FGF14: variants seen among roughly 807,000 people sequenced by gnomAD.
FGF14 encodes the protein fibroblast growth factor 14, also known as fibroblast growth factor homologous factor 4.
A neutral mutation model predicts 25.5 loss-of-function variants in FGF14; 5 were observed. That is an observed-to-expected ratio of 0.20 (90% CI 0.10 to 0.41). The LOEUF is 0.41. FGF14 is among the 10% of genes least tolerant of loss of function. The pLI is 1.00. For missense variants in FGF14, 222 were observed against 320.1 expected, an observed-to-expected ratio of 0.69 and a Z score of 2.34; for synonymous variants, 138 against 118.3, an observed-to-expected ratio of 1.17 and a Z score of -1.08.
chr13:101,966,799 C>T (rs1418961649), intron 1 of FGF14, among the ~76,000 whole-genome samples: 1 of 151,932 alleles, frequency 6.6e-6, no homozygotes, highest in Non-Finnish European at 1.5e-5. Flanking sequence ...GTGTTTAAAC[C>T]ACTCAGTTGT....
intron 3 of FGF14, among the ~76,000 whole-genome samples, chr13:101,735,920 A>C (rs1384280298): frequency 6.6e-6 from 1 of 152,230 alleles, no homozygotes; most frequent in Non-Finnish European, 1.5e-5. Flanking sequence ...CAAACTGTAC[A>C]TATGTAACAA....
At chr13:102,206,970 A>C (rs190996741) in intron 1 of FGF14, among the ~76,000 whole-genome samples, 1 of 152,222 alleles carries the variant, frequency 6.6e-6, no homozygotes, top group African/African-American at 2.4e-5. Context: ...TGTATTGGAT[A>C]AAAAGGTCAG....
chr13:102,362,805 T>C (rs1489824320), intron 1 of FGF14, among the ~76,000 whole-genome samples: 2 of 123,092 alleles, frequency 1.6e-5, no homozygotes, highest in Admixed American at 7.5e-5. Context: ...CATACAAGTA[T>C]AGAAAAAAAA....
At chr13:102,158,376 T>A (rs2047449720) in intron 1 of FGF14, among the ~76,000 whole-genome samples, 1 of 152,110 alleles carries the variant, frequency 6.6e-6, no homozygotes, top group South Asian at 2.1e-4. Flanking sequence ...TGCAGGGACA[T>A]GGATGAAGCT....
At chr13:102,038,601 G>T (rs1279910761) in intron 1 of FGF14, among the ~76,000 whole-genome samples, 1 of 152,060 alleles carries the variant, frequency 6.6e-6, no homozygotes, top group African/African-American at 2.4e-5. Context: ...AAACCTGCAA[G>T]AAATTCTTAA....
intron 1 of FGF14, among the ~76,000 whole-genome samples, chr13:102,164,723 C>T (rs559658018): frequency 5.7e-4 from 87 of 152,278 alleles, no homozygotes; most frequent in African/African-American, 1.9e-3. Context: ...TGACTAGTCA[C>T]GGTTCAAGTG....
chr13:101,983,873 G>A (rs1053343769), intron 1 of FGF14, among the ~76,000 whole-genome samples: 5 of 152,132 alleles, frequency 3.3e-5, no homozygotes, highest in African/African-American at 1.2e-4. Flanking sequence ...TGCCTTACTA[G>A]CTGGGCTCCC....
At position 101,712,325 on chromosome 13, in the gene FGF14, CT is replaced by C. The variant is rs2034508363; in HGVS notation, c.*10505del. ...TCTAAGTATTTCAGCGACTAGTAGA[CT>C]TTCAGAACTGGAATTTACTCATCAA... On this transcript the variant is annotated 3_prime_UTR_variant, in exon 5 of 5. Coordinates refer to ENST00000376143, the MANE Select transcript of FGF14 (RefSeq NM_004115.4). 1 of 152,174 alleles carries C rather than the reference CT, an allele frequency of 6.6e-6. No individual in the cohort carries two copies. Among genetic ancestry groups the C allele is most frequent in the South Asian group, 2.1e-4 (1 of 4,826 alleles). The allele number at this position is 152,174 out of a possible 1,614,324, so 9.4% of individuals were successfully genotyped here.
chr13:102,095,816 G>A (rs761962211), intron 1 of FGF14, among the ~76,000 whole-genome samples: 13 of 152,004 alleles, frequency 8.6e-5, no homozygotes, highest in Non-Finnish European at 1.8e-4. Context: ...CAAAATATGA[G>A]TTAATCAACT....
chr13:102,010,255 A>T (rs1182217066), intron 1 of FGF14, among the ~76,000 whole-genome samples: 1 of 152,184 alleles, frequency 6.6e-6, no homozygotes, highest in African/African-American at 2.4e-5. Context: ...CAGAAAATAA[A>T]GTTGATGTGA....
intron 1 of FGF14, among the ~76,000 whole-genome samples, chr13:101,934,553 A>G (rs1566459417): frequency 6.6e-6 from 1 of 152,230 alleles, no homozygotes; most frequent in Non-Finnish European, 1.5e-5. Flanking sequence ...AAATTCATCG[A>G]TATGTTTACC....
chr13:101,728,433 C>G (rs2035585391), intron 3 of FGF14, among the ~76,000 whole-genome samples: 1 of 152,024 alleles, frequency 6.6e-6, no homozygotes, highest in Non-Finnish European at 1.5e-5. Context: ...ATATATCCTC[C>G]AATTAGTTTT....
intron 1 of FGF14, among the ~76,000 whole-genome samples, chr13:101,936,172 G>A (rs553434279): frequency 5.9e-5 from 9 of 152,330 alleles, no homozygotes; most frequent in East Asian, 1.9e-4. Context: ...CAGCCAGTGC[G>A]CTCCTGCAGG....
At chr13:102,039,447 A>G (rs1023958156) in intron 1 of FGF14, among the ~76,000 whole-genome samples, 1 of 152,110 alleles carries the variant, frequency 6.6e-6, no homozygotes, top group Non-Finnish European at 1.5e-5. Flanking sequence ...GCCAAAATCA[A>G]GGGGCCAGCA....
rs936362203 is a variant in FGF14 at position 101,718,730 on chromosome 13, C to T, written c.*4101G>A. ...GTACCGCCCTCCACTACCTCAAATG[C>T]AAACACAATCTCTGCCAGTAGACAT... is the stretch of plus-strand genomic sequence containing the variant. On this transcript the variant is annotated 3_prime_UTR_variant, in exon 5 of 5. Transcript: ENST00000376143. 2.0e-5 allele frequency: 3 copies of T among 150,924 alleles called. No individual in the cohort carries two copies. The highest frequency in any genetic ancestry group is 7.3e-5 in the African/African-American group (3 of 40,990). 9.3% of individuals were successfully genotyped at this position (150,924 alleles called of 1,614,324 possible).
chr13:102,389,404 A>T (rs1055946561), intron 1 of FGF14, among the ~76,000 whole-genome samples: 1 of 152,268 alleles, frequency 6.6e-6, no homozygotes, highest in Non-Finnish European at 1.5e-5. Context: ...AAATACATCA[A>T]CAGAGCAGTA....
intron 2 of FGF14, 65 bp from the exon 3 acceptor site, chr13:101,868,893 C>T: frequency 9.7e-7 from 1 of 1,034,654 alleles, no homozygotes; most frequent in East Asian, 2.4e-5. Context: ...GTAATTTTTT[C>T]TTTCTGATTT....
intron 1 of FGF14, among the ~76,000 whole-genome samples, chr13:101,973,599 C>T (rs1031733455): frequency 6.6e-6 from 1 of 152,114 alleles, no homozygotes; most frequent in Non-Finnish European, 1.5e-5. Flanking sequence ...AAATTAGAGT[C>T]CAATGTTTGA....
At chr13:101,788,050 T>C (rs2039955286) in intron 3 of FGF14, among the ~76,000 whole-genome samples, 1 of 152,084 alleles carries the variant, frequency 6.6e-6, no homozygotes, top group African/African-American at 2.4e-5. Context: ...TTTTGTATTT[T>C]TTAGTAGAGA....
Sources: gnomAD v4.1 joint callset for allele counts (sites outside exome capture counted in the v4.1 genomes callset) on GRCh38, gnomAD v4.1.1 for gene constraint, MANE v1.5 for transcripts, NCBI Gene and HGNC (gene_info 2026-07-23, HGNC 2026-07-21) for gene names.